RYR2: variants seen among roughly 807,000 people sequenced by gnomAD.
The protein encoded by RYR2 is cardiac muscle ryanodine receptor-calcium release channel.
RYR2 carries 227 observed loss-of-function variants against 601.1 expected under a neutral mutation model. The ratio of observed to expected loss-of-function variants is 0.38; its 90% CI spans 0.34 to 0.42. RYR2 has a LOEUF of 0.42. Among genes scored for constraint, RYR2 ranks in the 10% least tolerant of loss-of-function variants. RYR2 has a pLI of 1.00. For synonymous variants in RYR2, 2,223 were observed against 2,175.1 expected (o/e 1.02, Z -0.61); for missense variants, 4,646 against 6,156.5 (o/e 0.75, Z 8.21).
At chr1:237,070,994 G>C (rs115821546) in intron 1 of RYR2, among the ~76,000 whole-genome samples, 1 of 152,188 alleles carries the variant, frequency 6.6e-6, no homozygotes, top group African/African-American at 2.4e-5. Flanking sequence ...GTGAGTGGGG[G>C]GCATGTTTCC....
chr1:237,631,586 G>GAGTATATA, intron 42 of RYR2, 45 bp downstream of exon 42: 1 of 741,322 alleles, frequency 1.3e-6, no homozygotes, highest in South Asian at 1.7e-5. Flanking sequence ...TCATCTCCTG[G>GAGTATATA]AGTATATAGA....
chr1:237,098,075 T>G (rs1667672425), intron 1 of RYR2, among the ~76,000 whole-genome samples: 6 of 152,166 alleles, frequency 3.9e-5, no homozygotes, highest in Admixed American at 3.3e-4. Context: ...CCTATTAATT[T>G]CCCGTAGGAA....
chr1:237,335,155 A>C (rs1697126934), intron 3 of RYR2, among the ~76,000 whole-genome samples: 1 of 152,090 alleles, frequency 6.6e-6, no homozygotes, highest in African/African-American at 2.4e-5. Flanking sequence ...TAGTTTGCCG[A>C]TTTAATGATG....
At position 237,638,621 on chromosome 1, in the gene RYR2, G is replaced by A. The variant is rs182023947; in HGVS notation, c.6928+129G>A. 7.0e-5 allele frequency: 72 copies of A among 1,025,148 alleles called. No homozygotes were observed. The African/African-American group carries it at 1.0e-3, about 15-fold the overall frequency. The allele number at this position is 1,025,148 out of a possible 1,614,324, so 63.5% of individuals were successfully genotyped here. A position where few individuals can be genotyped will look rare whatever the true frequency, so the allele number is the denominator to read the frequency against. On this transcript the variant is annotated intron_variant, in intron 45 of 104. Transcript: ENST00000366574. ...AATCACATATTTTATAATCGATAGG[G>A]GTTTTTCACAGTAACCACTTATAAT...
chr1:237,470,910 AAG>A (rs921177175), intron 17 of RYR2, among the ~76,000 whole-genome samples: 14 of 150,212 alleles, frequency 9.3e-5, no homozygotes, highest in Non-Finnish European at 7.4e-5. Flanking sequence ...AGAGAGAGGA[AAG>A]AGAGAGAGAG....
intron 17 of RYR2, among the ~76,000 whole-genome samples, chr1:237,487,882 A>G (rs146818412): frequency 1.0e-3 from 156 of 152,176 alleles, no homozygotes; most frequent in African/African-American, 3.5e-3. Flanking sequence ...GAAGCTGTCA[A>G]TGTTTTTCAA....
At chr1:237,129,625 A>T (rs577744043) in intron 1 of RYR2, among the ~76,000 whole-genome samples, 95 of 151,380 alleles carry the variant, frequency 6.3e-4, no homozygotes, top group Middle Eastern at 3.5e-3. Flanking sequence ...AGTATGAGAT[A>T]TATATATGTG....
intron 13 of RYR2, among the ~76,000 whole-genome samples, chr1:237,444,850 G>C (rs1209127404): frequency 6.6e-6 from 1 of 152,148 alleles, no homozygotes; most frequent in Non-Finnish European, 1.5e-5. Flanking sequence ...TTATCATTTA[G>C]ATGATTTATA....
At chr1:237,538,494 A>G (rs1668904189) in intron 25 of RYR2, among the ~76,000 whole-genome samples, 1 of 140,004 alleles carries the variant, frequency 7.1e-6, no homozygotes, top group Non-Finnish European at 1.5e-5. Context: ...TTTTTTGGCC[A>G]GGCCTGGTGG....
intron 1 of RYR2, among the ~76,000 whole-genome samples, chr1:237,188,554 T>G (rs1256840166): frequency 6.6e-6 from 1 of 152,198 alleles, no homozygotes; most frequent in Non-Finnish European, 1.5e-5. Context: ...TTATTTAACA[T>G]GGATTCTTTT....
At chr1:237,533,485 A>C (rs769816305) in intron 25 of RYR2, among the ~76,000 whole-genome samples, 23 of 152,172 alleles carry the variant, frequency 1.5e-4, no homozygotes, top group Admixed American at 4.6e-4. Flanking sequence ...GAATAGCTAA[A>C]GAATAAGGGG....
chr1:237,650,488 T>C (rs1231873976), intron 50 of RYR2, among the ~76,000 whole-genome samples: 1 of 152,206 alleles, frequency 6.6e-6, no homozygotes, highest in African/African-American at 2.4e-5. Context: ...AGGGACTTCT[T>C]AAATATAAAA....
At chr1:237,685,419 A>G (rs1419158392) in intron 62 of RYR2, among the ~76,000 whole-genome samples, 1 of 152,194 alleles carries the variant, frequency 6.6e-6, no homozygotes, top group Non-Finnish European at 1.5e-5. Context: ...CAGGCATTAC[A>G]TATAATTTGA....
intron 12 of RYR2, 139 bp downstream of exon 12, chr1:237,423,387 C>T (rs1705790208): frequency 9.7e-7 from 1 of 1,031,400 alleles, no homozygotes; most frequent in Non-Finnish European, 1.4e-6. Context: ...AGTTTCTCTT[C>T]CATACATTCC....
intron 80 of RYR2, among the ~76,000 whole-genome samples, chr1:237,755,888 G>T (rs1481738129): frequency 6.6e-6 from 1 of 152,148 alleles, no homozygotes. Flanking sequence ...CGAGCCATTT[G>T]CTGAGCAGTA....
At chr1:237,573,115 A>G (rs897544272) in intron 29 of RYR2, among the ~76,000 whole-genome samples, 2 of 152,080 alleles carry the variant, frequency 1.3e-5, no homozygotes, top group Non-Finnish European at 2.9e-5. Flanking sequence ...ATTTTTAACT[A>G]TCTTCATAAT....
chr1:237,563,162 C>T (rs1397649332), intron 27 of RYR2, among the ~76,000 whole-genome samples: 3 of 152,080 alleles, frequency 2.0e-5, no homozygotes, highest in Admixed American at 2.0e-4. Context: ...AATCCCAGCA[C>T]TTTGGGAGGC....
chr1:237,062,516 TA>T (rs1663009352), intron 1 of RYR2, among the ~76,000 whole-genome samples: 1 of 152,338 alleles, frequency 6.6e-6, no homozygotes, highest in Non-Finnish European at 1.5e-5. Context: ...AATGTATCTT[TA>T]AAAAATTGTT....
At chr1:237,210,990 A>G (rs1419323942) in intron 1 of RYR2, among the ~76,000 whole-genome samples, 1 of 151,186 alleles carries the variant, frequency 6.6e-6, no homozygotes, top group East Asian at 1.9e-4. Context: ...TGCCGCAGAG[A>G]CGTCTCACAC....
Sources: gnomAD v4.1 joint callset for allele counts (sites outside exome capture counted in the v4.1 genomes callset) on GRCh38, gnomAD v4.1.1 for gene constraint, MANE v1.5 for transcripts, NCBI Gene and HGNC (gene_info 2026-07-23, HGNC 2026-07-21) for gene names.